The following TP53BP1 variants were observed in gnomAD, a reference collection of about 807,000 sequenced individuals.
TP53BP1 encodes TP53-binding protein 1.
In TP53BP1, 61 loss-of-function variants were observed where a neutral mutation model predicts 200.8. That is an observed-to-expected ratio of 0.30 (90% CI 0.25 to 0.38). The LOEUF is 0.38. Ranked by LOEUF, TP53BP1 falls within the 10% of genes least tolerant of loss-of-function variation. The probability of loss-of-function intolerance (pLI) is 1.00; values close to 1 mark genes in which losing one functional copy is unlikely to be tolerated. For synonymous variants in TP53BP1, 822 were observed against 844.3 expected (o/e 0.97, Z 0.46); for missense variants, 2,144 against 2,371.9 (o/e 0.90, Z 2.00).
intron 11 of TP53BP1, among the ~76,000 whole-genome samples, chr15:43,460,087 C>A (rs1354247603): frequency 6.6e-6 from 1 of 151,926 alleles, no homozygotes; most frequent in Non-Finnish European, 1.5e-5. Context: ...AAAACATACA[C>A]GTAAAATAAT....
intron 2 of TP53BP1, 66 bp from the exon 3 acceptor site, chr15:43,492,161 T>G: frequency 6.6e-7 from 1 of 1,507,834 alleles, no homozygotes; most frequent in Non-Finnish European, 9.2e-7. Context: ...ACCTACTATT[T>G]GTGAACAATT....
At chr15:43,490,877 T>C (rs1012212338) in intron 4 of TP53BP1, among the ~76,000 whole-genome samples, 2 of 152,198 alleles carry the variant, frequency 1.3e-5, no homozygotes, top group South Asian at 2.1e-4. Context: ...AATAACATTA[T>C]ACTATATGCC....
chr15:43,486,005 A>G (rs2140140955), intron 4 of TP53BP1, among the ~76,000 whole-genome samples: 1 of 152,294 alleles, frequency 6.6e-6, no homozygotes. Context: ...GTTTAAATAT[A>G]TTATTTAGAA....
Position 43,480,921 on chromosome 15 carries a change from T to C in TP53BP1, c.473A>G (p.Asn158Ser), listed in dbSNP as rs534166537. ...EKEKEEDTSG[N>S]TTHSLGAEDT... ...TTCAGCACCAAGGGAATGTGTAGTA[T>C]TGCCTGAAGTATCTTCTTCCTTCTC... The change falls in exon 5 of 28, where the codon AAT becomes AGT. Residue 158 changes from asparagine (N) to serine (S), a missense_variant. Physicochemically the swap from Asn to Ser is conservative, Grantham distance 46. This residue lies in a region of TP53BP1 where 1,700 missense variants were observed against 1,710.3 expected (regional missense o/e 0.99). Coordinates refer to ENST00000382044, the MANE Select transcript of TP53BP1 (RefSeq NM_001141980.3). 28 of 1,614,054 alleles carry C rather than the reference T, an allele frequency of 1.7e-5. No homozygotes were observed. Among genetic ancestry groups the C allele is most frequent in the Non-Finnish European group, 2.0e-5 (24 of 1,180,032 alleles).
intron 2 of TP53BP1, 43 bp downstream of exon 2, chr15:43,492,241 A>G: frequency 6.3e-7 from 1 of 1,577,254 alleles, no homozygotes; most frequent in South Asian, 1.2e-5. Context: ...TCGGTTTAAA[A>G]AAAAAAATCT....
At position 43,479,170 on chromosome 15, in the gene TP53BP1, CA is replaced by C. The variant is rs1377711377; in HGVS notation, c.788+226del. On this transcript the variant is annotated intron_variant, in intron 7 of 27. Coordinates refer to ENST00000382044, the MANE Select transcript of TP53BP1 (RefSeq NM_001141980.3). ...GGCAGAGAATCACATGAGCCCAGGGCAACATAGTGAGACTTTGTTTCAAACA... is the reference window on the plus strand; with the variant it reads ...GGCAGAGAATCACATGAGCCCAGGGCACATAGTGAGACTTTGTTTCAAACA... Among the ~76,000 whole-genome samples the C allele has an allele frequency of 2.0e-5, 3 of 152,126 alleles. No individual in the cohort carries two copies. In the East Asian group the frequency reaches 5.8e-4, roughly 29 times the overall value.
intron 10 of TP53BP1, 110 bp downstream of exon 10, chr15:43,474,563 G>A: frequency 3.2e-6 from 2 of 625,298 alleles, no homozygotes; most frequent in South Asian, 2.2e-5. Flanking sequence ...CTACCGAATT[G>A]TGTAGGTCAC....
chr15:43,425,305 T>C (rs1347691740), intron 18 of TP53BP1, among the ~76,000 whole-genome samples: 3 of 152,168 alleles, frequency 2.0e-5, no homozygotes, highest in African/African-American at 7.2e-5. Context: ...TCCAGAAATA[T>C]ACTTTAGAAA....
intron 16 of TP53BP1, among the ~76,000 whole-genome samples, chr15:43,437,314 A>C (rs771715027): frequency 9.2e-5 from 14 of 152,186 alleles, no homozygotes; most frequent in Non-Finnish European, 1.9e-4. Flanking sequence ...AAGAAAAACT[A>C]ATCTAAGAAA....
chr15:43,439,450 C>G (rs929376278), intron 15 of TP53BP1, among the ~76,000 whole-genome samples: 1 of 152,110 alleles, frequency 6.6e-6, no homozygotes, highest in Non-Finnish European at 1.5e-5. Flanking sequence ...GCAGGAGGAT[C>G]GCTTGAGCCT....
chr15:43,472,886 C>T (rs189280602), intron 10 of TP53BP1, among the ~76,000 whole-genome samples: 66 of 152,246 alleles, frequency 4.3e-4, no homozygotes, highest in Middle Eastern at 3.4e-3. Flanking sequence ...GTCTCACTGA[C>T]GTCAAGAATG....
At chr15:43,447,041 T>A in intron 13 of TP53BP1, 3 of 483,044 alleles carry the variant, frequency 6.2e-6, no homozygotes, top group South Asian at 5.2e-5. Context: ...ATAGTACTTC[T>A]ACCTTACTTC....
Position 43,456,435 on chromosome 15 carries a change from T to C in TP53BP1, c.2173A>G (p.Thr725Ala), listed in dbSNP as rs1350564857. The C allele has an allele frequency of 6.3e-7, 1 of 1,577,238 alleles. No homozygotes were observed. Among genetic ancestry groups the C allele is most frequent in the South Asian group, 1.2e-5 (1 of 82,934 alleles). Residue 725 changes from threonine to alanine, a missense_variant, in exon 12 of 28, where the codon ACC becomes GCC. Physicochemically the swap from Thr to Ala is moderately conservative, Grantham distance 58. Transcript: ENST00000382044. The stretch of plus-strand genomic sequence containing the variant: ...GGGGAATCAATACTAATCACACTGG[T>C]TTCAACTTCCATAGCTTCTGAGCAT... ...KECSEAMEVE[T>A]SVISIDSPQK...
Position 43,461,124 on chromosome 15 carries a change from A to C in TP53BP1, c.1390-3906T>G, listed in dbSNP as rs532312575. Reference sequence around the variant, plus strand: ...CATTTCTGGGAAATTAATCAATGAAAGCACACTAATACTTAGCTACAAAAT... The same window carrying C: ...CATTTCTGGGAAATTAATCAATGAACGCACACTAATACTTAGCTACAAAAT... On this transcript the variant is annotated intron_variant, in intron 11 of 27. Coordinates refer to ENST00000382044, the MANE Select transcript of TP53BP1 (RefSeq NM_001141980.3). Among the ~76,000 whole-genome samples the C allele has an allele frequency of 2.6e-5, 4 of 152,228 alleles. No individual in the cohort carries two copies. In the South Asian group the frequency reaches 8.3e-4, roughly 31 times the overall value.
chr15:43,491,952 C>G, intron 3 of TP53BP1, 50 bp downstream of exon 3: 1 of 1,424,110 alleles, frequency 7.0e-7, no homozygotes, highest in Non-Finnish European at 9.9e-7. Context: ...CCAGCACCAA[C>G]AAGAGCACCC....
chr15:43,504,690 C>T (rs1220505377), intron 1 of TP53BP1, among the ~76,000 whole-genome samples: 1 of 152,044 alleles, frequency 6.6e-6, no homozygotes, highest in Non-Finnish European at 1.5e-5. Flanking sequence ...GAGAAAAAGG[C>T]AAGTGGTTCA....
intron 23 of TP53BP1, among the ~76,000 whole-genome samples, chr15:43,413,865 G>A (rs960076962): frequency 2.6e-5 from 4 of 151,720 alleles, no homozygotes; most frequent in South Asian, 2.1e-4. Context: ...ATCACTGACC[G>A]TCACCAGAAT....
intron 12 of TP53BP1, among the ~76,000 whole-genome samples, chr15:43,454,809 G>A (rs987298428): frequency 1.3e-5 from 2 of 152,016 alleles, no homozygotes; most frequent in East Asian, 1.9e-4. Flanking sequence ...TTGGCTCACT[G>A]CAACCTCTGC....
intron 21 of TP53BP1, among the ~76,000 whole-genome samples, chr15:43,418,170 GCT>G (rs2045310832): frequency 7.6e-6 from 1 of 131,660 alleles, no homozygotes; most frequent in African/African-American, 2.9e-5. Flanking sequence ...ACAGAGCAAG[GCT>G]CTGTTTTTAA....
Sources: allele counts gnomAD v4.1 joint callset (sites outside exome capture counted in the v4.1 genomes callset), GRCh38; gene constraint gnomAD v4.1.1; regional missense constraint gnomAD v4.1.1; transcripts MANE v1.5; gene names NCBI Gene and HGNC (gene_info 2026-07-23, HGNC 2026-07-21).